PLBD1: variants seen among roughly 807,000 people sequenced by gnomAD.
PLBD1 encodes the protein phospholipase B domain containing 1.
Under a neutral mutation model 63.0 loss-of-function variants are expected in PLBD1, and 60 were observed. That is an observed-to-expected ratio of 0.95 (90% confidence interval 0.77 to 1.18). The LOEUF (loss-of-function observed/expected upper bound fraction) is 1.18. Among genes scored for constraint, PLBD1 ranks in the 50% most tolerant of loss-of-function variants. PLBD1 has a pLI of 0.00. For missense variants in PLBD1, 598 were observed against 677.9 expected, an observed-to-expected ratio of 0.88 and a Z score of 1.31; for synonymous variants, 262 against 248.0, an observed-to-expected ratio of 1.06 and a Z score of -0.53.
At chr12:14,556,257 C>G (rs951030801) in intron 1 of PLBD1, among the ~76,000 whole-genome samples, 1 of 152,132 alleles carries the variant, frequency 6.6e-6, no homozygotes, top group African/African-American at 2.4e-5. Context: ...TGGGAGGGAT[C>G]AGGAGTTTAG....
At chr12:14,557,427 T>C (rs555310126) in intron 1 of PLBD1, among the ~76,000 whole-genome samples, 1 of 152,186 alleles carries the variant, frequency 6.6e-6, no homozygotes, top group South Asian at 2.1e-4. Context: ...CCATCAGTGG[T>C]AGACTGGATA....
intron 2 of PLBD1, among the ~76,000 whole-genome samples, chr12:14,551,188 C>T (rs998831329): frequency 6.6e-6 from 1 of 152,102 alleles, no homozygotes; most frequent in Non-Finnish European, 1.5e-5. Flanking sequence ...TGTGGTGAAA[C>T]CCCATCCCTA....
intron 2 of PLBD1, among the ~76,000 whole-genome samples, chr12:14,546,096 T>C (rs1399288330): frequency 6.6e-6 from 1 of 151,924 alleles, no homozygotes; most frequent in East Asian, 1.9e-4. Context: ...CCGAGGTTGG[T>C]GGATTGCTTG....
intron 6 of PLBD1, among the ~76,000 whole-genome samples, chr12:14,514,074 C>T (rs532508257): frequency 1.7e-4 from 26 of 152,200 alleles, no homozygotes; most frequent in African/African-American, 5.8e-4. Flanking sequence ...CCACCGTGCC[C>T]GGCCCCAACT....
intron 8 of PLBD1, among the ~76,000 whole-genome samples, chr12:14,507,575 A>G (rs1271185358): frequency 3.3e-5 from 5 of 152,232 alleles, no homozygotes; most frequent in Admixed American, 3.3e-4. Flanking sequence ...AGCACTGGGA[A>G]TAGAAAGCCT....
chr12:14,526,997 C>A (rs953663564), intron 6 of PLBD1, among the ~76,000 whole-genome samples: 1 of 151,916 alleles, frequency 6.6e-6, no homozygotes, highest in South Asian at 2.1e-4. Flanking sequence ...AAGAAAAACA[C>A]CCAACATACA....
intron 3 of PLBD1, among the ~76,000 whole-genome samples, chr12:14,541,572 C>T (rs943848545): frequency 6.6e-6 from 1 of 152,172 alleles, no homozygotes; most frequent in African/African-American, 2.4e-5. Flanking sequence ...AGAATAATGT[C>T]ATTGCTTCAT....
chr12:14,534,890 G>A (rs934159017), intron 6 of PLBD1, among the ~76,000 whole-genome samples: 1 of 152,130 alleles, frequency 6.6e-6, no homozygotes, highest in East Asian at 1.9e-4. Context: ...CCTGCCTATT[G>A]CATTTAGGCC....
At chr12:14,512,890 C>A (rs1004678432) in intron 6 of PLBD1, among the ~76,000 whole-genome samples, 12 of 152,096 alleles carry the variant, frequency 7.9e-5, no homozygotes, top group Admixed American at 7.9e-4. Flanking sequence ...AGAAACAGAC[C>A]CTCATTAGAC....
intron 4 of PLBD1, among the ~76,000 whole-genome samples, chr12:14,538,939 T>A (rs1945542758): frequency 6.6e-6 from 1 of 152,126 alleles, no homozygotes; most frequent in South Asian, 2.1e-4. Context: ...GGCACGAGAA[T>A]TGCTTGAGTC....
intron 1 of PLBD1, among the ~76,000 whole-genome samples, chr12:14,562,081 C>T (rs746335821): frequency 6.6e-6 from 1 of 152,198 alleles, no homozygotes; most frequent in Non-Finnish European, 1.5e-5. Flanking sequence ...GGACAAATTT[C>T]AGAGCCAGCC....
chr12:14,553,002 G>C (rs1436460136), intron 2 of PLBD1, among the ~76,000 whole-genome samples, 191 bp downstream of exon 2: 1 of 152,148 alleles, frequency 6.6e-6, no homozygotes, highest in African/African-American at 2.4e-5. Flanking sequence ...CTCCAGCCTG[G>C]CAACAAAGCG....
At chr12:14,510,523 A>G (rs568693405) in intron 8 of PLBD1, among the ~76,000 whole-genome samples, 3 of 152,378 alleles carry the variant, frequency 2.0e-5, no homozygotes, top group African/African-American at 7.2e-5. Flanking sequence ...AAGCAAAACA[A>G]GAGAAACAAA....
chr12:14,513,780 GTT>G (rs1237327068), intron 6 of PLBD1, among the ~76,000 whole-genome samples: 10 of 140,376 alleles, frequency 7.1e-5, no homozygotes, highest in African/African-American at 7.8e-5. Flanking sequence ...CTAACTCTTA[GTT>G]TTTTTTTTTT....
At chr12:14,558,478 T>C (rs572836831) in intron 1 of PLBD1, among the ~76,000 whole-genome samples, 1 of 152,244 alleles carries the variant, frequency 6.6e-6, no homozygotes, top group South Asian at 2.1e-4. Flanking sequence ...CCAGCTTTTC[T>C]CACACATTCC....
intron 1 of PLBD1, among the ~76,000 whole-genome samples, chr12:14,566,413 AGCCCCACCCTACTCTTGTACAAG>A (rs1222776401): frequency 6.6e-6 from 1 of 152,200 alleles, no homozygotes; most frequent in Non-Finnish European, 1.5e-5. Flanking sequence ...TCCTCCCCCA[AGCCCCACCCTACTCTTGTACAAG>A]GTCAGCACAG....
At chr12:14,532,494 T>C (rs531522733) in intron 6 of PLBD1, among the ~76,000 whole-genome samples, 47 of 152,304 alleles carry the variant, frequency 3.1e-4, no homozygotes. Flanking sequence ...TGCTCTGACA[T>C]GAGAGTCACC....
chr12:14,548,330 G>A (rs930759836), intron 2 of PLBD1, among the ~76,000 whole-genome samples: 22 of 151,780 alleles, frequency 1.4e-4, no homozygotes, highest in African/African-American at 4.8e-4. Flanking sequence ...GGTGGTGCAT[G>A]CCTGTAATCC....
intron 1 of PLBD1, 21 bp from the exon 2 acceptor site, chr12:14,553,433 G>A (rs757120049): frequency 6.3e-7 from 1 of 1,577,826 alleles, no homozygotes; most frequent in Non-Finnish European, 8.7e-7. Context: ...AGGGAATAAT[G>A]ACAAAAACGC....
Sources: allele counts gnomAD v4.1 joint callset (sites outside exome capture counted in the v4.1 genomes callset), GRCh38; gene constraint gnomAD v4.1.1; transcripts MANE v1.5; gene names NCBI Gene and HGNC (gene_info 2026-07-23, HGNC 2026-07-21).